The following GLG1 variants were observed in gnomAD, a reference collection of about 807,000 sequenced individuals.
GLG1 encodes Golgi apparatus protein 1.
In GLG1, 38 loss-of-function variants were observed where a neutral mutation model predicts 160.5. The ratio of observed to expected loss-of-function variants is 0.24; its 90% CI spans 0.18 to 0.31. The LOEUF (loss-of-function observed/expected upper bound fraction) is 0.31. Among genes scored for constraint, GLG1 ranks in the 10% least tolerant of loss-of-function variants. The pLI, the probability that GLG1 is intolerant of heterozygous loss-of-function variation, is 1.00. For synonymous variants in GLG1, 644 were observed against 543.4 expected, an observed-to-expected ratio of 1.19 and a Z score of -2.57; for missense variants, 1,373 against 1,505.2, an observed-to-expected ratio of 0.91 and a Z score of 1.45.
chr16:74,505,099 C>A (rs1488051242), intron 3 of GLG1, among the ~76,000 whole-genome samples: 1 of 152,150 alleles, frequency 6.6e-6, no homozygotes, highest in Non-Finnish European at 1.5e-5. Flanking sequence ...AGAGAGCATT[C>A]TCCCCATTAG....
At chr16:74,522,922 A>G (rs1044396002) in intron 2 of GLG1, among the ~76,000 whole-genome samples, 2 of 152,192 alleles carry the variant, frequency 1.3e-5, no homozygotes, top group Non-Finnish European at 1.5e-5. Flanking sequence ...GGGCTCATGC[A>G]GTCCTCTCAC....
In GLG1 at chr16:74,456,645, T is replaced by C; in HGVS notation, c.3372+4A>G. The C allele has an allele frequency of 6.4e-7, 1 of 1,573,976 alleles. No individual in the cohort carries two copies. On this transcript the variant is annotated splice_donor_region_variant and intron_variant, in intron 25 of 25. Coordinates refer to ENST00000422840, the MANE Select transcript of GLG1 (RefSeq NM_001145667.2). ...TTAAAAAAGGAGATTCTCTTGGTCA[T>C]TACCTTTGCTGCGTAACTCCACATC... is the stretch of plus-strand genomic sequence containing the variant.
intron 1 of GLG1, among the ~76,000 whole-genome samples, chr16:74,555,029 T>C (rs1209339418): frequency 6.6e-6 from 1 of 152,070 alleles, no homozygotes; most frequent in Non-Finnish European, 1.5e-5. Flanking sequence ...AATAAATAAA[T>C]AATAAAAACA....
intron 1 of GLG1, among the ~76,000 whole-genome samples, chr16:74,581,827 G>A (rs973476788): frequency 2.0e-5 from 3 of 152,112 alleles, no homozygotes; most frequent in Admixed American, 6.6e-5. Context: ...CAGGACAATC[G>A]CTTGAACCTG....
At chr16:74,455,778 C>G (rs759689908) in intron 25 of GLG1, among the ~76,000 whole-genome samples, 8 of 152,214 alleles carry the variant, frequency 5.3e-5, no homozygotes, top group Non-Finnish European at 1.2e-4. Context: ...CAGAGGGACT[C>G]TGGGCAAGTC....
rs2015138772 is a variant in GLG1 at position 74,470,006 on chromosome 16, A to C, written c.2297T>G (p.Leu766Arg). The C allele has an allele frequency of 6.2e-7, 1 of 1,605,318 alleles. No individual in the cohort carries two copies. Among genetic ancestry groups the C allele is most frequent in the African/African-American group, 1.3e-5 (1 of 74,752 alleles). The change falls in exon 16 of 26, where the codon CTT (leucine) becomes CGT (arginine). Residue 766 changes from leucine (L) to arginine (R), a missense_variant. Transcript: ENST00000422840. ...KMACKEDVLK[L>R]CPNIKKKVDV... ...ATACTTCTTTTTTATGTTTGGGCAA[A>C]GCTTCAACACGTCCTCCTTGCAGGC...
chr16:74,496,381 A>T (rs1370015363), intron 5 of GLG1, 60 bp downstream of exon 5: 2 of 1,155,682 alleles, frequency 1.7e-6, no homozygotes, highest in Non-Finnish European at 2.5e-6. Context: ...ATTAATTAAA[A>T]CAAAATTATA....
intron 1 of GLG1, among the ~76,000 whole-genome samples, chr16:74,547,806 G>A (rs1435676112): frequency 2.0e-5 from 3 of 152,126 alleles, no homozygotes; most frequent in Non-Finnish European, 2.9e-5. Flanking sequence ...TTCCATAGAG[G>A]GATCATTTCC....
At chr16:74,538,760 T>G (rs2017753743) in intron 1 of GLG1, among the ~76,000 whole-genome samples, 1 of 145,250 alleles carries the variant, frequency 6.9e-6, no homozygotes. Context: ...TAAAAAGACA[T>G]GAGATACAGA....
At chr16:74,530,193 C>T (rs1390789399) in intron 2 of GLG1, among the ~76,000 whole-genome samples, 2 of 152,020 alleles carry the variant, frequency 1.3e-5, no homozygotes, top group African/African-American at 4.8e-5. Flanking sequence ...TGAGGTTTTC[C>T]CCTAATCCTT....
intron 4 of GLG1, among the ~76,000 whole-genome samples, chr16:74,499,674 G>A (rs1018432795): frequency 6.6e-6 from 1 of 152,072 alleles, no homozygotes; most frequent in Non-Finnish European, 1.5e-5. Flanking sequence ...GATAAGCAAC[G>A]TGTGACTAAA....
chr16:74,560,634 C>T (rs577788674), intron 1 of GLG1, among the ~76,000 whole-genome samples: 155 of 152,308 alleles, frequency 1.0e-3, no homozygotes, highest in Admixed American at 1.8e-3. Context: ...GCCACTGCGC[C>T]TAGCCCTAAA....
intron 6 of GLG1, among the ~76,000 whole-genome samples, chr16:74,494,088 T>G (rs2016096761): frequency 6.6e-6 from 1 of 151,862 alleles, no homozygotes; most frequent in African/African-American, 2.4e-5. Context: ...GGCAGGAGAC[T>G]TGCTTGAACC....
At position 74,582,269 on chromosome 16, in the gene GLG1, T is replaced by C. The variant is rs1055477196; in HGVS notation, c.438+24388A>G. 2.6e-5 allele frequency among the ~76,000 whole-genome samples: 4 copies of C among 152,078 alleles called. No individual in the cohort carries two copies. The East Asian group carries it at 7.8e-4, about 30-fold the overall frequency. On this transcript the variant is annotated intron_variant, in intron 1 of 25. Transcript: ENST00000422840. The stretch of plus-strand genomic sequence containing the variant: ...GCAACCTCTGCCTCCCAGGTTCAAG[T>C]GATTCTCCTGCCTCAGCCTCCCAAG...
At chr16:74,469,190 G>C in intron 16 of GLG1, 127 bp from the exon 17 acceptor site, 3 of 666,218 alleles carry the variant, frequency 4.5e-6, no homozygotes, top group Non-Finnish European at 8.2e-6. Context: ...TTTCCTGTAA[G>C]GCTCACTGTA....
intron 1 of GLG1, among the ~76,000 whole-genome samples, chr16:74,601,209 A>T (rs1181363041): frequency 6.6e-6 from 1 of 152,168 alleles, no homozygotes; most frequent in Non-Finnish European, 1.5e-5. Context: ...ATAATCCTAG[A>T]AACTTTACAA....
At position 74,456,864 on chromosome 16, in the gene GLG1, G is replaced by A. The variant is rs1219582312; in HGVS notation, c.3266-109C>T. ...AACCACCAGAGAATTCAGATCTGCA[G>A]GCTCAACAAAGTTAAATACATACTA... On this transcript the variant is annotated intron_variant, in intron 24 of 25. Transcript: ENST00000422840. 3.0e-5 allele frequency: 22 copies of A among 735,640 alleles called. No individual in the cohort carries two copies. The Admixed American group carries it at 4.8e-4, about 16-fold the overall frequency. The allele number at this position is 735,640 out of a possible 1,614,324, so 45.6% of individuals were successfully genotyped here.
intron 1 of GLG1, among the ~76,000 whole-genome samples, chr16:74,597,798 G>A (rs914431503): frequency 6.6e-6 from 1 of 150,590 alleles, no homozygotes; most frequent in Admixed American, 6.7e-5. Context: ...AGCTTGCAGT[G>A]AGCTGAGATC....
At chr16:74,471,697 C>T (rs2015213952) in intron 14 of GLG1, among the ~76,000 whole-genome samples, 1 of 152,072 alleles carries the variant, frequency 6.6e-6, no homozygotes, top group African/African-American at 2.4e-5. Flanking sequence ...AAGAAGGAGC[C>T]ACTATTACTG....
Sources: gnomAD v4.1 joint callset for allele counts (sites outside exome capture counted in the v4.1 genomes callset) on GRCh38, gnomAD v4.1.1 for gene constraint, MANE v1.5 for transcripts, NCBI Gene and HGNC (gene_info 2026-07-23, HGNC 2026-07-21) for gene names.